DAB2: variants seen among roughly 807,000 people sequenced by gnomAD.
DAB2 encodes the protein disabled homolog 2.
A neutral mutation model predicts 71.6 loss-of-function variants in DAB2; 28 were observed. That is an observed-to-expected ratio of 0.39 (90% CI 0.29 to 0.54). The LOEUF (loss-of-function observed/expected upper bound fraction) is 0.54. DAB2 is among the 20% of genes least tolerant of loss of function. DAB2 has a pLI of 0.68. For synonymous variants in DAB2, 345 were observed against 339.7 expected, an observed-to-expected ratio of 1.02 and a Z score of -0.17; for missense variants, 867 against 928.8, an observed-to-expected ratio of 0.93 and a Z score of 0.86.
At chr5:39,375,206 CATT>C in intron 13 of DAB2, 122 bp from the exon 14 acceptor site, 2 of 679,672 alleles carry the variant, frequency 2.9e-6, no homozygotes, top group Non-Finnish European at 5.2e-6. Flanking sequence ...GCCAATCAAA[CATT>C]ATATGGGGCT....
chr5:39,374,279 T>C (rs1056837536), intron 14 of DAB2, among the ~76,000 whole-genome samples: 1 of 141,896 alleles, frequency 7.0e-6, no homozygotes, highest in Non-Finnish European at 1.6e-5. Context: ...TGCTCTAAAA[T>C]GGGGAGAGCG....
At position 39,376,910 on chromosome 5, in the gene DAB2, G is replaced by T. The variant is rs775251043; in HGVS notation, c.1877C>A (p.Ala626Asp). 45 of 1,614,054 alleles carry T rather than the reference G, an allele frequency of 2.8e-5. No individual in the cohort carries two copies. The South Asian group carries it at 4.8e-4, about 17-fold the overall frequency. ...LVTPPQPPPRAGPPKDISSDA... is the reference protein window; with the variant it reads ...LVTPPQPPPRDGPPKDISSDA... ...ACTGGAGATGTCCTTGGGAGGGCCA[G>T]CTCTGGGAGGTGGCTGAGGAGGAGT... is the stretch of plus-strand genomic sequence containing the variant. Residue 626 changes from alanine (A) to aspartate (D), a missense_variant, in exon 12 of 15, where the codon GCT (alanine) becomes GAT (aspartate). Physicochemically the swap from Ala to Asp is moderately radical, Grantham distance 126. Coordinates refer to ENST00000320816, the MANE Select transcript of DAB2 (RefSeq NM_001343.4).
intron 9 of DAB2, among the ~76,000 whole-genome samples, chr5:39,386,491 G>C (rs1755102835): frequency 6.6e-6 from 1 of 152,120 alleles, no homozygotes; most frequent in African/African-American, 2.4e-5. Flanking sequence ...AGCCTAACCA[G>C]CACATAATTA....
At chr5:39,375,338 T>C (rs1201427911) in intron 13 of DAB2, among the ~76,000 whole-genome samples, 1 of 152,202 alleles carries the variant, frequency 6.6e-6, no homozygotes, top group African/African-American at 2.4e-5. Flanking sequence ...TCACAGGCTA[T>C]AGAAATATTG....
chr5:39,382,694 G>A lies in DAB2; in HGVS notation c.1265C>T (p.Ser422Phe). The A allele has an allele frequency of 6.2e-7, 1 of 1,614,176 alleles. No individual in the cohort carries two copies. The highest frequency in any genetic ancestry group is 8.5e-7 in the Non-Finnish European group (1 of 1,180,014). The change falls in exon 10 of 15, where the codon TCC becomes TTC. Residue 422 changes from serine (S) to phenylalanine (F), a missense_variant. Coordinates refer to ENST00000320816, the MANE Select transcript of DAB2 (RefSeq NM_001343.4). ...AATGGCTATGGAGTCATGTGGTGAG[G>A]ACTGGACAGAGCTTTCCAAGTCCTG... is the stretch of plus-strand genomic sequence containing the variant. Reference protein sequence around the residue: ...VKQDLESSVQSSPHDSIAIIP... With the variant: ...VKQDLESSVQFSPHDSIAIIP...
intron 1 of DAB2, chr5:39,408,322 T>C (rs1212586520): frequency 6.6e-6 from 1 of 152,216 alleles, no homozygotes; most frequent in Non-Finnish European, 1.5e-5. Flanking sequence ...CTAATCTAAT[T>C]CGAATATGTT....
At chr5:39,378,710 T>C (rs1754888801) in intron 11 of DAB2, among the ~76,000 whole-genome samples, 3 of 152,142 alleles carry the variant, frequency 2.0e-5, no homozygotes. Context: ...TTCATTAAAA[T>C]TGGGAAGGTC....
chr5:39,378,250 C>A (rs1437232533), intron 11 of DAB2, among the ~76,000 whole-genome samples: 1 of 152,218 alleles, frequency 6.6e-6, no homozygotes, highest in Non-Finnish European at 1.5e-5. Flanking sequence ...TCGCTCCCTG[C>A]ATCTTGTTCT....
At chr5:39,386,880 A>T (rs1171935639) in intron 9 of DAB2, among the ~76,000 whole-genome samples, 1 of 152,182 alleles carries the variant, frequency 6.6e-6, no homozygotes. Flanking sequence ...GTTGACTACA[A>T]ATCAAAAGGA....
chr5:39,380,414 C>T (rs898915134), intron 11 of DAB2, among the ~76,000 whole-genome samples: 3 of 152,198 alleles, frequency 2.0e-5, no homozygotes, highest in Admixed American at 2.0e-4. Context: ...TGATGACTGA[C>T]TGCAGGAGGC....
At chr5:39,413,313 C>T (rs1174788370) in intron 1 of DAB2, among the ~76,000 whole-genome samples, 1 of 152,126 alleles carries the variant, frequency 6.6e-6, no homozygotes, top group Admixed American at 6.5e-5. Context: ...TCCCATCTTG[C>T]CAAGCTCTGA....
intron 1 of DAB2, among the ~76,000 whole-genome samples, chr5:39,397,130 G>A (rs1755386210): frequency 6.6e-6 from 1 of 152,158 alleles, no homozygotes; most frequent in Admixed American, 6.5e-5. Flanking sequence ...GACTCTAGTA[G>A]AACTTCTTCA....
intron 11 of DAB2, among the ~76,000 whole-genome samples, chr5:39,380,419 G>A (rs1281683628): frequency 6.6e-6 from 1 of 152,218 alleles, no homozygotes; most frequent in African/African-American, 2.4e-5. Context: ...ACTGACTGCA[G>A]GAGGCAGAGA....
chr5:39,414,361 CCAAAGGT>C (rs1246933815), intron 1 of DAB2, among the ~76,000 whole-genome samples: 1 of 152,104 alleles, frequency 6.6e-6, no homozygotes, highest in African/African-American at 2.4e-5. Context: ...CAGTGCTAAG[CCAAAGGT>C]CTTACCTATT....
At chr5:39,424,337 A>C (rs1756053326) in intron 1 of DAB2, among the ~76,000 whole-genome samples, 1 of 152,112 alleles carries the variant, frequency 6.6e-6, no homozygotes, top group African/African-American at 2.4e-5. Flanking sequence ...GTCAGTCACC[A>C]GGAAAAAGCT....
chr5:39,387,194 G>C (rs1031919426), intron 9 of DAB2, among the ~76,000 whole-genome samples: 6 of 152,178 alleles, frequency 3.9e-5, no homozygotes, highest in African/African-American at 1.4e-4. Flanking sequence ...CTCTGCAGAA[G>C]TCTGAAGGGA....
intron 1 of DAB2, among the ~76,000 whole-genome samples, chr5:39,408,083 A>G (rs1240572232): frequency 6.6e-6 from 1 of 152,172 alleles, no homozygotes; most frequent in Non-Finnish European, 1.5e-5. Context: ...CCATTGCTTG[A>G]GTGTTGCTGT....
At chr5:39,373,792 G>A (rs765841987) in intron 14 of DAB2, among the ~76,000 whole-genome samples, 7 of 152,090 alleles carry the variant, frequency 4.6e-5, no homozygotes, top group Middle Eastern at 3.4e-3. Flanking sequence ...TATTGGTTTG[G>A]GTATATCTCC....
intron 14 of DAB2, 31 bp downstream of exon 14, chr5:39,374,983 T>G: frequency 2.8e-6 from 4 of 1,441,044 alleles, no homozygotes; most frequent in Non-Finnish European, 3.9e-6. Flanking sequence ...CAAAAACCCC[T>G]GAGACAGGCT....
Sources: allele counts gnomAD v4.1 joint callset (sites outside exome capture counted in the v4.1 genomes callset), GRCh38; gene constraint gnomAD v4.1.1; transcripts MANE v1.5; gene names NCBI Gene and HGNC (gene_info 2026-07-23, HGNC 2026-07-21).